MORN1: variants seen among roughly 807,000 people sequenced by gnomAD.
The protein encoded by MORN1 is MORN repeat-containing protein 1.
A neutral mutation model predicts 61.9 loss-of-function variants in MORN1; 67 were observed. The ratio of observed to expected loss-of-function variants is 1.08; its 90% CI spans 0.89 to 1.33. The LOEUF is 1.33. MORN1 is among the 40% of genes most tolerant of loss of function. The probability of loss-of-function intolerance (pLI) is 0.00; values close to 1 mark genes in which losing one functional copy is unlikely to be tolerated. For missense variants in MORN1, 752 were observed against 691.2 expected (o/e 1.09, Z -0.99); for synonymous variants, 301 against 292.0 (o/e 1.03, Z -0.31).
rs559111797 is a variant in MORN1 at position 2,322,557 on chromosome 1, A to G, written c.1298-978T>C. 69 of 506,894 alleles carry G rather than the reference A, an allele frequency of 1.4e-4. 1 individual carries two copies. The South Asian group carries it at 3.7e-3, about 27-fold the overall frequency. The allele number at this position is 506,894 out of a possible 1,614,324, so 31.4% of individuals were successfully genotyped here. A position where few individuals can be genotyped will look rare whatever the true frequency, so the allele number is the denominator to read the frequency against. On this transcript the variant is annotated intron_variant, in intron 13 of 13. Transcript: ENST00000378531. ...CTTGGCCCCGAGTCAGCTCCTTTAG[A>G]AAAAAAAAAACACGGTTCTGGGGGG...
At chr1:2,353,541 C>T (rs886958161) in intron 10 of MORN1, among the ~76,000 whole-genome samples, 1 of 152,276 alleles carries the variant, frequency 6.6e-6, no homozygotes, top group Admixed American at 6.5e-5. Context: ...GAGGCTGACA[C>T]CTCTGGGCCT....
At chr1:2,356,683 A>G (rs1641777795) in intron 10 of MORN1, among the ~76,000 whole-genome samples, 1 of 152,200 alleles carries the variant, frequency 6.6e-6, no homozygotes, top group South Asian at 2.1e-4. Flanking sequence ...CAACGCTGTC[A>G]AGACTGTTCC....
At chr1:2,345,987 CCACCAGGAACCTTCCTCAGACAAAG>C (rs1641507447) in intron 10 of MORN1, among the ~76,000 whole-genome samples, 1 of 147,092 alleles carries the variant, frequency 6.8e-6, no homozygotes, top group Admixed American at 7.2e-5. Flanking sequence ...TCAGACAAAG[CCACCAGGAACCTTCCTCAGACAAAG>C]CCACCAGGAA....
rs1265308776 is a variant in MORN1 at position 2,361,270 on chromosome 1, CAA to C, written c.746-2557_746-2556del. On this transcript the variant is annotated intron_variant, in intron 8 of 13. Coordinates refer to ENST00000378531, the MANE Select transcript of MORN1 (RefSeq NM_024848.3). ...GACACACAGAAGATATAAACAAGAA[CAA>C]AGAGCCGGGCGCAGTGACTCACACC... 3.3e-5 allele frequency among the ~76,000 whole-genome samples: 5 copies of C among 152,082 alleles called. No individual in the cohort carries two copies. The East Asian group carries it at 9.6e-4, about 29-fold the overall frequency.
chr1:2,322,580 G>A (rs1640906939), intron 13 of MORN1: 2 of 985,390 alleles, frequency 2.0e-6, no homozygotes, highest in East Asian at 1.1e-4. Flanking sequence ...CGGTTCTGGG[G>A]GGCCTCGCCA....
At chr1:2,370,748 G>A (rs1265591532) in intron 8 of MORN1, among the ~76,000 whole-genome samples, 1 of 150,866 alleles carries the variant, frequency 6.6e-6, no homozygotes, top group African/African-American at 2.4e-5. Context: ...CAGTCACGGG[G>A]CTCACTGTAG....
At chr1:2,345,512 C>A (rs1641493713) in intron 10 of MORN1, among the ~76,000 whole-genome samples, 1 of 152,254 alleles carries the variant, frequency 6.6e-6, no homozygotes, top group African/African-American at 2.4e-5. Context: ...CCCTGCCCTG[C>A]CAGCCGGACC....
chr1:2,336,643 G>A, intron 11 of MORN1, 74 bp downstream of exon 11: 1 of 1,575,650 alleles, frequency 6.3e-7, no homozygotes, highest in South Asian at 1.2e-5. Context: ...CATGGCCTGG[G>A]TGTTGAGGTG....
chr1:2,324,227 G>A, intron 12 of MORN1, 84 bp from the exon 13 acceptor site: 1 of 1,410,256 alleles, frequency 7.1e-7, no homozygotes, highest in Non-Finnish European at 9.7e-7. Flanking sequence ...CAGGGCTAGT[G>A]GCTCCAGGGC....
In MORN1 at chr1:2,391,480, C is replaced by A; in HGVS notation, c.54G>T (p.Pro18=). Residue 18 remains proline, a synonymous_variant, in exon 1 of 14, where the codon CCG becomes CCT. Coordinates refer to ENST00000378531, the MANE Select transcript of MORN1 (RefSeq NM_024848.3). ...TACCGTTCCGGGGCGGCCGCCTAGG[C>A]GGGTCCCGACGCGGCCCGCGGGAGC... ...TPSSRGPRRD[P]PRRPPRNGYG... is the part of the protein sequence containing the mutation. 8.0e-7 allele frequency: 1 copy of A among 1,254,464 alleles called. No homozygotes were observed. Among genetic ancestry groups the A allele is most frequent in the Non-Finnish European group, 1.0e-6 (1 of 992,696 alleles). 77.7% of individuals were successfully genotyped at this position (1,254,464 alleles called of 1,614,324 possible).
At chr1:2,389,877 T>TCAGGTGTGGGGCAG in intron 2 of MORN1, 48 bp downstream of exon 2, 1 of 1,564,210 alleles carries the variant, frequency 6.4e-7, no homozygotes, top group South Asian at 1.1e-5. Flanking sequence ...ACTGGTTTCG[T>TCAGGTGTGGGGCAG]CAGCTGTGGG....
chr1:2,332,542 A>G (rs898297623), intron 12 of MORN1: 13 of 452,044 alleles, frequency 2.9e-5, no homozygotes, highest in Middle Eastern at 3.3e-4. Context: ...CTGGGCTTCT[A>G]TGATGGGGGA....
At chr1:2,367,851 ACTC>A (rs1467020780) in intron 8 of MORN1, among the ~76,000 whole-genome samples, 16 of 151,442 alleles carry the variant, frequency 1.1e-4, no homozygotes, top group African/African-American at 3.6e-4. Context: ...CTGGTCTTGA[ACTC>A]CTGACCTCAG....
chr1:2,340,468 C>G (rs2100264050), intron 10 of MORN1, among the ~76,000 whole-genome samples: 1 of 152,296 alleles, frequency 6.6e-6, no homozygotes, highest in Middle Eastern at 3.4e-3. Context: ...TCCACCCACA[C>G]AAGTCTCCCC....
chr1:2,337,832 G>T lies in MORN1; in HGVS notation c.1037-982C>A, dbSNP rs1641312088. On this transcript the variant is annotated intron_variant, in intron 10 of 13. Transcript: ENST00000378531. The surrounding 1 kb of genome is among the most constrained non-coding windows in gnomAD (Gnocchi z 5.7). ...GGGGAGTTCTGAGAGGGAGGCAGGGGCTGGGGCGGTGGCTTTAGGGCCACA... is the reference window on the plus strand; with the variant it reads ...GGGGAGTTCTGAGAGGGAGGCAGGGTCTGGGGCGGTGGCTTTAGGGCCACA... Among the ~76,000 whole-genome samples, 3 of 152,198 alleles carry T rather than the reference G, an allele frequency of 2.0e-5. No homozygotes were observed. The highest frequency in any genetic ancestry group is 2.0e-4 in the Admixed American group (3 of 15,282).
chr1:2,322,529 G>A, intron 13 of MORN1: 1 of 985,268 alleles, frequency 1.0e-6, no homozygotes, highest in African/African-American at 1.7e-5. Context: ...CGGGAGGAAT[G>A]TGCTTGGCCC....
intron 6 of MORN1, among the ~76,000 whole-genome samples, chr1:2,380,507 G>A (rs992744463): frequency 1.3e-5 from 2 of 152,138 alleles, no homozygotes; most frequent in Admixed American, 6.6e-5. Flanking sequence ...TAAGTTTTAC[G>A]TTACATGGAT....
At chr1:2,386,420 G>GT (rs61143910) in intron 4 of MORN1, 2,182 of 156,038 alleles carry the variant, frequency 0.014, 49 homozygotes, top group African/African-American at 0.049. Context: ...TGCTTCTTTT[G>GT]TTTTTTTTGT....
intron 13 of MORN1, chr1:2,322,936 T>C: frequency 1.0e-6 from 1 of 985,406 alleles, no homozygotes; most frequent in Non-Finnish European, 1.2e-6. Flanking sequence ...GATCTAGCCC[T>C]GGGCCAGCTC....
Sources: allele counts gnomAD v4.1 joint callset (sites outside exome capture counted in the v4.1 genomes callset), GRCh38; gene constraint gnomAD v4.1.1; non-coding constraint Gnocchi (gnomAD v3.1); transcripts MANE v1.5; gene names NCBI Gene and HGNC (gene_info 2026-07-23, HGNC 2026-07-21).